The following XXYLT1 variants were observed in gnomAD, a reference collection of about 807,000 sequenced individuals.
XXYLT1 encodes UDP-xylose:alpha-xyloside alpha-1,3-xylosyltransferase.
A neutral mutation model predicts 28.9 loss-of-function variants in XXYLT1; 20 were observed. That is an observed-to-expected ratio of 0.69 (90% CI 0.49 to 1.00). XXYLT1 has a LOEUF of 1.00. Among genes scored for constraint, XXYLT1 ranks in the 50% least tolerant of loss-of-function variants. XXYLT1 has a pLI of 0.00. For missense variants in XXYLT1, 542 were observed against 560.1 expected (o/e 0.97, Z 0.33); for synonymous variants, 257 against 253.8 (o/e 1.01, Z -0.12).
rs944123784 is a variant in XXYLT1, at chr3:195,133,631, G to T, written c.785+22818C>A. Among the ~76,000 whole-genome samples the T allele has an allele frequency of 6.6e-6, 1 of 152,122 alleles. No homozygotes were observed. The highest frequency in any genetic ancestry group is 1.9e-4 in the East Asian group (1 of 5,190). On this transcript the variant is annotated intron_variant, in intron 3 of 3. Transcript: ENST00000310380. This position sits in a 1 kb window ranked among gnomAD's most constrained non-coding sequence, Gnocchi z 4.4. The stretch of plus-strand genomic sequence containing the variant: ...AGGCGGACGAGCTGCTGTGCCAAAC[G>T]CTCCCAGATGCACACTCTCGGCAAC...
rs1289498814 is a variant in XXYLT1 at position 195,195,439 on chromosome 3, T to A, written c.652+31270A>T. Among the ~76,000 whole-genome samples the A allele has an allele frequency of 5.9e-5, 9 of 152,220 alleles. No homozygotes were observed. ...TCAGAGTCGCTCAGGCGCCTAAGAC[T>A]GTTCCAGTCAGAAGTCCCACTGAGA... On this transcript the variant is annotated intron_variant, in intron 2 of 3. Transcript: ENST00000310380. The surrounding 1 kb of genome is among the most constrained non-coding windows in gnomAD (Gnocchi z 4.4).
chr3:195,247,794 C>T (rs1415003676), intron 1 of XXYLT1: 6 of 702,584 alleles, frequency 8.5e-6, no homozygotes, highest in Non-Finnish European at 1.3e-5. Context: ...CTGGGGAGGC[C>T]TCAGGAAACA....
chr3:195,225,416 C>G (rs1206941448), intron 2 of XXYLT1, among the ~76,000 whole-genome samples: 1 of 152,218 alleles, frequency 6.6e-6, no homozygotes, highest in African/African-American at 2.4e-5. Context: ...AGCTTCAACT[C>G]TCAACTCCTG....
intron 3 of XXYLT1, among the ~76,000 whole-genome samples, chr3:195,091,484 A>T (rs1243644536): frequency 2.4e-5 from 2 of 82,090 alleles, no homozygotes; most frequent in Non-Finnish European, 4.2e-5. Context: ...ACAACCCTTC[A>T]TGCTAAAAAC....
At chr3:195,258,642 C>T (rs1725566756) in intron 1 of XXYLT1, among the ~76,000 whole-genome samples, 1 of 152,224 alleles carries the variant, frequency 6.6e-6, no homozygotes, top group African/African-American at 2.4e-5. Context: ...AGCCTCTGTC[C>T]AGGGCCAGGT....
chr3:195,169,354 C>G (rs189239000), intron 2 of XXYLT1, among the ~76,000 whole-genome samples: 19 of 152,328 alleles, frequency 1.2e-4, no homozygotes, highest in Non-Finnish European at 2.2e-4. Context: ...CCTTGGAAGG[C>G]ACTCGGCATC....
intron 3 of XXYLT1, among the ~76,000 whole-genome samples, chr3:195,128,513 G>A (rs778503779): frequency 5.3e-5 from 8 of 152,166 alleles, no homozygotes; most frequent in African/African-American, 1.9e-4. Flanking sequence ...CATGGTTTAT[G>A]AGGCCCTCTG....
rs192913971 is a variant in XXYLT1, at chr3:195,127,737, A to C, written c.785+28712T>G. Among the ~76,000 whole-genome samples, 28 of 151,970 alleles carry C rather than the reference A, an allele frequency of 1.8e-4. No individual in the cohort carries two copies. The South Asian group carries it at 2.1e-3, about 11-fold the overall frequency. On this transcript the variant is annotated intron_variant, in intron 3 of 3. Transcript: ENST00000310380. ...GGCTGCAGTAAGCCATGATCATGCC[A>C]CTGCTCTCCACCTTGGGTGACAGAG...
intron 3 of XXYLT1, among the ~76,000 whole-genome samples, chr3:195,075,014 G>C (rs1397322528): frequency 6.6e-6 from 1 of 152,214 alleles, no homozygotes; most frequent in Non-Finnish European, 1.5e-5. Context: ...CACTTTGGGA[G>C]GCCGAGGTGG....
intron 2 of XXYLT1, 75 bp downstream of exon 2, chr3:195,226,634 G>A (rs1159525160): frequency 6.5e-6 from 10 of 1,544,230 alleles, no homozygotes; most frequent in South Asian, 1.2e-5. Flanking sequence ...ACAGGGCCTG[G>A]GCAGTGTTGG....
intron 1 of XXYLT1, among the ~76,000 whole-genome samples, chr3:195,228,817 C>T (rs1197336083): frequency 2.1e-5 from 3 of 145,576 alleles, no homozygotes; most frequent in East Asian, 2.0e-4. Flanking sequence ...ATATGTATCT[C>T]TTTTTTTTTT....
chr3:195,136,364 A>G (rs532586246), intron 3 of XXYLT1, among the ~76,000 whole-genome samples: 1 of 152,264 alleles, frequency 6.6e-6, no homozygotes, highest in South Asian at 2.1e-4. Flanking sequence ...GACCCAGGCT[A>G]TAAGGTGGCT....
At chr3:195,159,332 G>A (rs1720755641) in intron 2 of XXYLT1, among the ~76,000 whole-genome samples, 1 of 152,190 alleles carries the variant, frequency 6.6e-6, no homozygotes, top group Admixed American at 6.5e-5. Flanking sequence ...GCCAAGAAGA[G>A]AGACTTGTCA....
At position 195,256,438 on chromosome 3, in the gene XXYLT1, G is replaced by A. The variant is rs545221594; in HGVS notation, c.504+14117C>T. The A allele has an allele frequency of 1.0e-6, 1 of 960,124 alleles. No homozygotes were observed. The highest frequency in any genetic ancestry group is 1.2e-4 in the East Asian group (1 of 8,680). 59.5% of individuals were successfully genotyped at this position (960,124 alleles called of 1,614,324 possible). A position where few individuals can be genotyped will look rare whatever the true frequency, so the allele number is the denominator to read the frequency against. ...AGGCCTGAGGTGCGGCCCTGCACAG[G>A]GCAGGGCCCGAGAAACGAACCAGTA... On this transcript the variant is annotated intron_variant, in intron 1 of 3. Coordinates refer to ENST00000310380, the MANE Select transcript of XXYLT1 (RefSeq NM_152531.5). The surrounding 1 kb of genome is among the most constrained non-coding windows in gnomAD (Gnocchi z 4.2).
chr3:195,104,230 TG>T (rs1716967824), intron 3 of XXYLT1, among the ~76,000 whole-genome samples: 1 of 150,166 alleles, frequency 6.7e-6, no homozygotes, highest in Non-Finnish European at 1.5e-5. Context: ...TGTGTGTGTG[TG>T]TGTGTGTGTG....
At chr3:195,071,072 T>C (rs1576991283) in intron 3 of XXYLT1, among the ~76,000 whole-genome samples, 1 of 152,022 alleles carries the variant, frequency 6.6e-6, no homozygotes, top group Non-Finnish European at 1.5e-5. Context: ...CTAAGCCTCA[T>C]GTGTGCTGCA....
chr3:195,110,673 ATG>A (rs138609208), intron 3 of XXYLT1, among the ~76,000 whole-genome samples: 1,544 of 11,202 alleles, frequency 0.14, 19 homozygotes, highest in Middle Eastern at 0.38. Context: ...TGTGTGGTGT[ATG>A]TGTGTGTGTG....
At chr3:195,265,768 G>T (rs185146266) in intron 1 of XXYLT1, among the ~76,000 whole-genome samples, 22 of 152,292 alleles carry the variant, frequency 1.4e-4, no homozygotes, top group African/African-American at 5.3e-4. Flanking sequence ...CCCCAGCCCC[G>T]GCAGCCATCC....
At chr3:195,141,292 C>A (rs1719474345) in intron 3 of XXYLT1, among the ~76,000 whole-genome samples, 1 of 152,200 alleles carries the variant, frequency 6.6e-6, no homozygotes, top group African/African-American at 2.4e-5. Context: ...TCCAACACTC[C>A]CCTTCCGGCT....
Sources: gnomAD v4.1 joint callset for allele counts (sites outside exome capture counted in the v4.1 genomes callset) on GRCh38, gnomAD v4.1.1 for gene constraint, Gnocchi (gnomAD v3.1) non-coding constraint, MANE v1.5 for transcripts, NCBI Gene and HGNC (gene_info 2026-07-23, HGNC 2026-07-21) for gene names.